Variants in CSKMT observed in about 807,000 individuals in gnomAD.
The protein encoded by CSKMT is citrate synthase-lysine N-methyltransferase CSKMT, mitochondrial.
Under a neutral mutation model 4.6 loss-of-function variants are expected in CSKMT, and 6 were observed. That is an observed-to-expected ratio of 1.31 (90% confidence interval 0.72 to 2.59). CSKMT has a LOEUF of 2.59. Ranked by LOEUF, CSKMT falls within the 30% of genes most tolerant of loss-of-function variation. The pLI is 0.00. For synonymous variants in CSKMT, 142 were observed against 128.9 expected, an observed-to-expected ratio of 1.10 and a Z score of -0.69; for missense variants, 328 against 298.0, an observed-to-expected ratio of 1.10 and a Z score of -0.74.
At position 62,665,721 on chromosome 11, in the gene CSKMT, C is replaced by T; in HGVS notation, c.-159C>T. The T allele has an allele frequency of 3.4e-6, 5 of 1,463,402 alleles. No homozygotes were observed. Among genetic ancestry groups the T allele is most frequent in the Non-Finnish European group, 4.5e-6 (5 of 1,107,420 alleles). 90.7% of individuals were successfully genotyped at this position (1,463,402 alleles called of 1,614,324 possible). On this transcript the variant is annotated 5_prime_UTR_variant, in exon 2 of 3. Transcript: ENST00000532971. ...GGCCGTTCCTACCATAGTCTGTGTC[C>T]GCGTTCTTTTTTCCGGGACTGCAGA...
At position 62,667,650 on chromosome 11, in the gene CSKMT, C is replaced by T; in HGVS notation, c.*599C>T. 6.2e-7 allele frequency: 1 copy of T among 1,614,134 alleles called. No homozygotes were observed. The highest frequency in any genetic ancestry group is 8.5e-7 in the Non-Finnish European group (1 of 1,180,018). On this transcript the variant is annotated 3_prime_UTR_variant, in exon 3 of 3. Transcript: ENST00000532971. ...CCAGACATGCTGTGTCCTCAAGAAT[C>T]CAACAAGCATCTTCTTCATCCTGGT... is the stretch of plus-strand genomic sequence containing the variant.
Position 62,665,527 on chromosome 11 carries a change from C to A in CSKMT, c.-233-120C>A, listed in dbSNP as rs765114035. ...CTCGGCGTCATGTCTTCGGTGCTGGCGGCTTCCCATCCGCTGGTTCTATCC... is the reference window on the plus strand; with the variant it reads ...CTCGGCGTCATGTCTTCGGTGCTGGAGGCTTCCCATCCGCTGGTTCTATCC... On this transcript the variant is annotated intron_variant, in intron 1 of 2. Transcript: ENST00000532971. 5.1e-6 allele frequency: 8 copies of A among 1,568,080 alleles called. No homozygotes were observed. In the Admixed American group the frequency reaches 1.0e-4, roughly 20 times the overall value.
chr11:62,666,113 C>A, intron 2 of CSKMT, 167 bp downstream of exon 2: 1 of 853,548 alleles, frequency 1.2e-6, no homozygotes, highest in Non-Finnish European at 1.8e-6. Context: ...TTTGCCAGGC[C>A]GAGGCGGGCA....
chr11:62,667,163 A>G lies in CSKMT; in HGVS notation c.*112A>G, dbSNP rs983424196. 1 of 1,109,794 alleles carries G rather than the reference A, an allele frequency of 9.0e-7. No homozygotes were observed. The highest frequency in any genetic ancestry group is 1.6e-5 in the African/African-American group (1 of 63,870). The allele number at this position is 1,109,794 out of a possible 1,614,324, so 68.7% of individuals were successfully genotyped here. The stretch of plus-strand genomic sequence containing the variant: ...TGAGAATTTGAGTCCTGGCTTCCAC[A>G]TTTACTAGCTGGGTGCCATATTGCT... On this transcript the variant is annotated 3_prime_UTR_variant, in exon 3 of 3. Coordinates refer to ENST00000532971, the MANE Select transcript of CSKMT (RefSeq NM_001043229.2).
chr11:62,666,411 G>C lies in CSKMT; in HGVS notation c.83G>C (p.Ser28Thr). 6.2e-7 allele frequency: 1 copy of C among 1,610,364 alleles called. No homozygotes were observed. Among genetic ancestry groups the C allele is most frequent in the South Asian group, 1.1e-5 (1 of 91,090 alleles). Reference protein sequence around the residue: ...CRPFAGSLADSCLADRCLWDR... With the variant: ...CRPFAGSLADTCLADRCLWDR... ...GTGCCCACAGGCTCACTGGCTGATA[G>C]TTGCCTGGCGGACCGCTGTCTCTGG... The change falls in exon 3 of 3, where the codon AGT becomes ACT. Residue 28 changes from serine (S) to threonine (T), a missense_variant. Ser to Thr is a moderately conservative substitution (Grantham distance 58, BLOSUM62 1). Coordinates refer to ENST00000532971, the MANE Select transcript of CSKMT (RefSeq NM_001043229.2).
At position 62,667,440 on chromosome 11, in the gene CSKMT, G is replaced by A. The variant is rs764306346; in HGVS notation, c.*389G>A. 1.0e-5 allele frequency: 15 copies of A among 1,435,446 alleles called. No individual in the cohort carries two copies. The highest frequency in any genetic ancestry group is 1.4e-5 in the Non-Finnish European group (14 of 1,020,488). The allele number at this position is 1,435,446 out of a possible 1,614,324, so 88.9% of individuals were successfully genotyped here. On this transcript the variant is annotated 3_prime_UTR_variant, in exon 3 of 3. Transcript: ENST00000532971. ...CCTGTAAGCCTCATTTTTGTCACCT[G>A]TAAAAGGAGATTGTAAGAGGATGGG...
At position 62,666,980 on chromosome 11, in the gene CSKMT, G is replaced by A; in HGVS notation, c.652G>A (p.Val218Met). Residue 218 changes from valine to methionine, a missense_variant, in exon 3 of 3, where the codon GTG (valine) becomes ATG (methionine). Val to Met is a conservative substitution (Grantham distance 21, BLOSUM62 1). Transcript: ENST00000532971. ...GGAACAAGGGTCCTATGGCTGGACTGTGACTGTGCAGGAGCTAGGCCCGTT... is the reference window on the plus strand; with the variant it reads ...GGAACAAGGGTCCTATGGCTGGACTATGACTGTGCAGGAGCTAGGCCCGTT... ...CLEQGSYGWT[V>M]TVQELGPFRG... is the part of the protein sequence containing the mutation. 1 of 1,614,148 alleles carries A rather than the reference G, an allele frequency of 6.2e-7. No homozygotes were observed. Among genetic ancestry groups the A allele is most frequent in the Non-Finnish European group, 8.5e-7 (1 of 1,180,030 alleles).
chr11:62,667,053 G>A lies in CSKMT; in HGVS notation c.*2G>A. The A allele has an allele frequency of 6.3e-7, 1 of 1,591,084 alleles. No homozygotes were observed. The highest frequency in any genetic ancestry group is 1.1e-5 in the South Asian group (1 of 87,892). ...TACTTGATTCAAGGCTCTCATTAAAGACATTTTAGTAGTCCTGACCCTAGT... is the reference window on the plus strand; with the variant it reads ...TACTTGATTCAAGGCTCTCATTAAAAACATTTTAGTAGTCCTGACCCTAGT... On this transcript the variant is annotated 3_prime_UTR_variant, in exon 3 of 3. Coordinates refer to ENST00000532971, the MANE Select transcript of CSKMT (RefSeq NM_001043229.2).
rs183703315 is a variant in CSKMT, at chr11:62,666,897, C to T, written c.569C>T (p.Pro190Leu). The T allele has an allele frequency of 1.9e-6, 3 of 1,614,194 alleles. No individual in the cohort carries two copies. The highest frequency in any genetic ancestry group is 1.7e-5 in the Admixed American group (1 of 60,026). Residue 190 changes from proline (P) to leucine (L), a missense_variant, in exon 3 of 3, where the codon CCT becomes CTT. Pro to Leu is a moderately conservative substitution (Grantham distance 98). Coordinates refer to ENST00000532971, the MANE Select transcript of CSKMT (RefSeq NM_001043229.2). ...LLSECLRVLN[P>L]QGTLIQFSDE... is the part of the protein sequence containing the mutation. ...TCAGAATGCTTGAGGGTTCTAAACCCTCAGGGGACCCTGATTCAGTTCTCA... is the reference window on the plus strand; with the variant it reads ...TCAGAATGCTTGAGGGTTCTAAACCTTCAGGGGACCCTGATTCAGTTCTCA...
At position 62,666,476 on chromosome 11, in the gene CSKMT, AC is replaced by A. The variant is rs759777728; in HGVS notation, c.150del (p.Phe51SerfsTer66). ...CCAGCCTCGTTTGGGCACTGTCCCC[AC>A]CTTCGACTGGTTCTTTGGATACGAC... ...HAQPRLGTVP[T>X]FDWFFGYDEV... On this transcript the variant is annotated frameshift_variant, in exon 3 of 3. Transcript: ENST00000532971. LOFTEE classifies it low-confidence loss of function (END_TRUNC). The A allele has an allele frequency of 6.2e-7, 1 of 1,613,786 alleles. No individual in the cohort carries two copies. The highest frequency in any genetic ancestry group is 1.1e-5 in the South Asian group (1 of 91,074).
chr11:62,667,053 GA>G lies in CSKMT; in HGVS notation c.*3del. On this transcript the variant is annotated 3_prime_UTR_variant, in exon 3 of 3. Coordinates refer to ENST00000532971, the MANE Select transcript of CSKMT (RefSeq NM_001043229.2). ...TACTTGATTCAAGGCTCTCATTAAAGACATTTTAGTAGTCCTGACCCTAGTA... is the reference window on the plus strand; with the variant it reads ...TACTTGATTCAAGGCTCTCATTAAAGCATTTTAGTAGTCCTGACCCTAGTA... 1 of 1,591,034 alleles carries G rather than the reference GA, an allele frequency of 6.3e-7. No homozygotes were observed. The highest frequency in any genetic ancestry group is 1.8e-5 in the Admixed American group (1 of 56,804).
chr11:62,665,338 T>A lies in CSKMT; in HGVS notation c.-234+6T>A, dbSNP rs912279227. 5 of 763,256 alleles carry A rather than the reference T, an allele frequency of 6.6e-6. No homozygotes were observed. The East Asian group carries it at 1.3e-4, about 20-fold the overall frequency. 47.3% of individuals were successfully genotyped at this position (763,256 alleles called of 1,614,324 possible). On this transcript the variant is annotated splice_donor_region_variant and intron_variant, in intron 1 of 2. Coordinates refer to ENST00000532971, the MANE Select transcript of CSKMT (RefSeq NM_001043229.2). ...TTTCGGAGGGTGGTGAGCTAGTAAG[T>A]GTGGTTTTAGCTGTAGTAGCCAGAT...
At position 62,667,006 on chromosome 11, in the gene CSKMT, C is replaced by T. The variant is rs1439204489; in HGVS notation, c.678C>T (p.Phe226=). The T allele has an allele frequency of 3.7e-6, 6 of 1,612,280 alleles. No individual in the cohort carries two copies. The highest frequency in any genetic ancestry group is 5.1e-6 in the Non-Finnish European group (6 of 1,179,208). The change falls in exon 3 of 3, where the codon TTC becomes TTT. Residue 226 remains phenylalanine (F), a synonymous_variant. Transcript: ENST00000532971. ...WTVTVQELGP[F]RGITYFAYLI... ...TGACTGTGCAGGAGCTAGGCCCGTT[C>T]AGGGGCATCACCTACTTTGCTTACT...
At chr11:62,665,435 G>A (rs1336979459) in intron 1 of CSKMT, 103 bp downstream of exon 1, 2 of 1,543,004 alleles carry the variant, frequency 1.3e-6, no homozygotes, top group Middle Eastern at 1.8e-4. Flanking sequence ...CCTTTTCTTG[G>A]CGGGGATCGG....
rs749161623 is a variant in CSKMT at position 62,666,872 on chromosome 11, T to A, written c.544T>A (p.Ser182Thr). The A allele has an allele frequency of 1.9e-6, 3 of 1,614,040 alleles. No individual in the cohort carries two copies. The highest frequency in any genetic ancestry group is 1.3e-5 in the African/African-American group (1 of 74,924). Residue 182 changes from serine (S) to threonine (T), a missense_variant, in exon 3 of 3, where the codon TCA becomes ACA. Coordinates refer to ENST00000532971, the MANE Select transcript of CSKMT (RefSeq NM_001043229.2). ...GGLPRAYQLL[S>T]ECLRVLNPQG... ...TCTGCCTAGGGCTTACCAGCTTCTA[T>A]CAGAATGCTTGAGGGTTCTAAACCC...
Position 62,666,694 on chromosome 11 carries a change from T to A in CSKMT, c.366T>A (p.Gly122=). 1 of 1,613,914 alleles carries A rather than the reference T, an allele frequency of 6.2e-7. No individual in the cohort carries two copies. The highest frequency in any genetic ancestry group is 8.5e-7 in the Non-Finnish European group (1 of 1,179,984). The change falls in exon 3 of 3, where the codon GGT becomes GGA. Residue 122 remains glycine, a synonymous_variant. Coordinates refer to ENST00000532971, the MANE Select transcript of CSKMT (RefSeq NM_001043229.2). The stretch of plus-strand genomic sequence containing the variant: ...CCCACATGAATAGCCTCCTGGAGGG[T>A]GGCCCAGGCCAAACACCTCTATGCC... ...AVAHMNSLLE[G]GPGQTPLCPG... is the part of the protein sequence containing the mutation.
chr11:62,667,036 T>G lies in CSKMT; in HGVS notation c.708T>G (p.Ile236Met). The G allele has an allele frequency of 6.2e-7, 1 of 1,601,626 alleles. No individual in the cohort carries two copies. Residue 236 changes from isoleucine (I) to methionine (M), a missense_variant, in exon 3 of 3, where the codon ATT (isoleucine) becomes ATG (methionine). By Grantham distance (10) the Ile-to-Met change is conservative. Coordinates refer to ENST00000532971, the MANE Select transcript of CSKMT (RefSeq NM_001043229.2). Reference sequence around the variant, plus strand: ...GCATCACCTACTTTGCTTACTTGATTCAAGGCTCTCATTAAAGACATTTTA... The same window carrying G: ...GCATCACCTACTTTGCTTACTTGATGCAAGGCTCTCATTAAAGACATTTTA... ...FRGITYFAYL[I>M]QGSH
rs757624529 is a variant in CSKMT, at chr11:62,667,792, A to G, written c.*741A>G. 7.4e-7 allele frequency: 1 copy of G among 1,350,194 alleles called. No homozygotes were observed. The highest frequency in any genetic ancestry group is 1.0e-6 in the Non-Finnish European group (1 of 958,292). The allele number at this position is 1,350,194 out of a possible 1,614,324, so 83.6% of individuals were successfully genotyped here. ...GGGACAAAAATATTACTGATATATT[A>G]TCAAATTACAAAACTAGGCCAGGCA... On this transcript the variant is annotated 3_prime_UTR_variant, in exon 3 of 3. Coordinates refer to ENST00000532971, the MANE Select transcript of CSKMT (RefSeq NM_001043229.2).
Position 62,667,363 on chromosome 11 carries a change from G to A in CSKMT, c.*312G>A. The A allele has an allele frequency of 1.2e-5, 9 of 730,478 alleles. No homozygotes were observed. 45.2% of individuals were successfully genotyped at this position (730,478 alleles called of 1,614,324 possible). A position where few individuals can be genotyped will look rare whatever the true frequency, so the allele number is the denominator to read the frequency against. Reference sequence around the variant, plus strand: ...TGGAGCTCCTAAAAGCAGCAGACAGGAACTGAATCAAAACCCCTGCGCTGA... The same window carrying A: ...TGGAGCTCCTAAAAGCAGCAGACAGAAACTGAATCAAAACCCCTGCGCTGA... On this transcript the variant is annotated 3_prime_UTR_variant, in exon 3 of 3. Transcript: ENST00000532971.
Sources: gnomAD v4.1 joint callset for allele counts on GRCh38, gnomAD v4.1.1 for gene constraint, MANE v1.5 for transcripts, NCBI Gene and HGNC (gene_info 2026-07-23, HGNC 2026-07-21) for gene names.